SS18: variants seen among roughly 807,000 people sequenced by gnomAD.
SS18 encodes the protein SS18 subunit of BAF chromatin remodeling complex.
In SS18, 28 loss-of-function variants were observed where a neutral mutation model predicts 72.5. That is an observed-to-expected ratio of 0.39 (90% CI 0.29 to 0.53). The LOEUF (loss-of-function observed/expected upper bound fraction) is 0.53. SS18 is among the 20% of genes least tolerant of loss of function. SS18 has a pLI of 0.76. For synonymous variants in SS18, 172 were observed against 164.2 expected (o/e 1.05, Z -0.37); for missense variants, 518 against 535.3 (o/e 0.97, Z 0.32).
chr18:26,029,919 T>TC (rs1217392947), intron 10 of SS18, among the ~76,000 whole-genome samples: 8 of 151,932 alleles, frequency 5.3e-5, no homozygotes, highest in Admixed American at 1.3e-4. Context: ...GCTAAAATGG[T>TC]CCCCCCCTCA....
Position 26,057,635 on chromosome 18 carries a change from A to T in SS18, c.339T>A (p.Gly113=), listed in dbSNP as rs1289036199. 6.2e-7 allele frequency: 1 copy of T among 1,613,792 alleles called. No homozygotes were observed. Among genetic ancestry groups the T allele is most frequent in the African/African-American group, 1.3e-5 (1 of 74,828 alleles). Residue 113 remains glycine, a synonymous_variant, in exon 4 of 11, where the codon GGT becomes GGA. Transcript: ENST00000415083. The part of the protein sequence containing the change: ...NMPSDGMVGG[G]PPAPHMQNQM... ...GGTTCTGCATGTGCGGTGCAGGAGG[A>T]CCCCCACCTACCATTCCATCTGAAG...
intron 5 of SS18, among the ~76,000 whole-genome samples, chr18:26,048,142 T>A (rs140394687): frequency 1.3e-3 from 203 of 152,360 alleles, no homozygotes; most frequent in African/African-American, 4.6e-3. Flanking sequence ...AAAGTAAGCA[T>A]TTTATATGCT....
chr18:26,087,679 A>G, intron 1 of SS18, 102 bp from the exon 2 acceptor site: 1 of 680,350 alleles, frequency 1.5e-6, no homozygotes, highest in Non-Finnish European at 2.6e-6. Flanking sequence ...TACTGCTTGT[A>G]CAAGAACTCT....
intron 1 of SS18, among the ~76,000 whole-genome samples, chr18:26,089,020 T>G (rs2054666584): frequency 1.3e-5 from 2 of 152,318 alleles, no homozygotes; most frequent in South Asian, 4.1e-4. Context: ...TTATCTCCAG[T>G]ATATTCCTCA....
At chr18:26,047,259 C>CAAAAAAAAAAAA (rs71169806) in intron 5 of SS18, among the ~76,000 whole-genome samples, 1 of 75,714 alleles carries the variant, frequency 1.3e-5, no homozygotes, top group Non-Finnish European at 2.8e-5. Context: ...AGTAATATGC[C>CAAAAAAAAAAAA]AAAAAAAAAA....
intron 5 of SS18, among the ~76,000 whole-genome samples, chr18:26,041,225 C>T (rs145414566): frequency 6.6e-6 from 1 of 152,216 alleles, no homozygotes; most frequent in African/African-American, 2.4e-5. Context: ...GAGTTCGAGA[C>T]CAGCCTGGCC....
chr18:26,031,785 G>A (rs2053546042), intron 10 of SS18, among the ~76,000 whole-genome samples: 1 of 152,194 alleles, frequency 6.6e-6, no homozygotes, highest in Admixed American at 6.5e-5. Context: ...GGAGGCAACA[G>A]AGGGCGGAAA....
rs1209676139 is a variant in SS18, at chr18:26,018,180, A to C, written c.*174T>G. The C allele has an allele frequency of 3.3e-5, 18 of 545,096 alleles. No individual in the cohort carries two copies. In the East Asian group the frequency reaches 5.2e-4, roughly 16 times the overall value. The allele number at this position is 545,096 out of a possible 1,614,324, so 33.8% of individuals were successfully genotyped here. ...ATCAAGAGTATTTTTGAGCTACTAA[A>C]GCCTTTTATAACTAAACCACAAAGG... On this transcript the variant is annotated 3_prime_UTR_variant, in exon 11 of 11. Transcript: ENST00000415083.
intron 9 of SS18, among the ~76,000 whole-genome samples, chr18:26,032,751 T>C (rs1371542156): frequency 1.3e-5 from 2 of 152,180 alleles, no homozygotes; most frequent in Non-Finnish European, 2.9e-5. Context: ...TATCGTACTA[T>C]GCCCTAGCCA....
At chr18:26,021,806 G>T (rs1314127028) in intron 10 of SS18, among the ~76,000 whole-genome samples, 2 of 152,174 alleles carry the variant, frequency 1.3e-5, no homozygotes, top group African/African-American at 4.8e-5. Flanking sequence ...CTTTGATAAA[G>T]AACACAGAAA....
chr18:26,073,322 T>C (rs943155644), intron 3 of SS18, among the ~76,000 whole-genome samples: 15 of 152,186 alleles, frequency 9.9e-5, no homozygotes, highest in Admixed American at 9.2e-4. Flanking sequence ...GGAAAACTTA[T>C]GTCCATTTTA....
rs192302156 is a variant in SS18 at position 26,060,826 on chromosome 18, C to T, written c.232-3084G>A. 5.9e-5 allele frequency among the ~76,000 whole-genome samples: 8 copies of T among 135,324 alleles called. No individual in the cohort carries two copies. The East Asian group carries it at 6.5e-4, about 11-fold the overall frequency. The allele number at this position is 135,324 out of a possible 152,430, so 88.8% of individuals were successfully genotyped here. On this transcript the variant is annotated intron_variant, in intron 3 of 10. Coordinates refer to ENST00000415083, the MANE Select transcript of SS18 (RefSeq NM_001007559.3). ...AAAAAATCAGCCAGGCGCAGTGGCA[C>T]GTGCCTGTAGTCCCTGATACTTGGG... is the stretch of plus-strand genomic sequence containing the variant.
intron 3 of SS18, among the ~76,000 whole-genome samples, chr18:26,065,087 T>C (rs1177886929): frequency 6.6e-6 from 1 of 152,082 alleles, no homozygotes; most frequent in African/African-American, 2.4e-5. Context: ...GTTCACAAAA[T>C]GGAAGGATAT....
chr18:26,019,459 C>T (rs939638004), intron 10 of SS18, among the ~76,000 whole-genome samples: 1 of 152,000 alleles, frequency 6.6e-6, no homozygotes, highest in African/African-American at 2.4e-5. Flanking sequence ...AGTAAATACA[C>T]ATGATAATGT....
At chr18:26,085,920 T>C (rs1302220289) in intron 2 of SS18, 1 of 152,066 alleles carries the variant, frequency 6.6e-6, no homozygotes, top group Non-Finnish European at 1.5e-5. Flanking sequence ...TGCCTGAGGA[T>C]ACACCAGTGA....
intron 3 of SS18, among the ~76,000 whole-genome samples, chr18:26,071,810 G>C (rs1311555637): frequency 6.6e-6 from 1 of 151,894 alleles, no homozygotes; most frequent in Non-Finnish European, 1.5e-5. Flanking sequence ...CCTGGGTGAC[G>C]GAGTGAAACA....
intron 3 of SS18, among the ~76,000 whole-genome samples, chr18:26,061,830 T>C (rs373367021): frequency 9.2e-5 from 14 of 152,264 alleles, no homozygotes; most frequent in African/African-American, 3.4e-4. Context: ...CATGGAAGCA[T>C]AGAACTAGAG....
intron 10 of SS18, among the ~76,000 whole-genome samples, chr18:26,024,626 G>T (rs1307405003): frequency 6.6e-6 from 1 of 152,060 alleles, no homozygotes; most frequent in African/African-American, 2.4e-5. Flanking sequence ...CTACCTTTTT[G>T]AATATGCTTA....
chr18:26,055,282 C>A (rs1018665775), intron 4 of SS18, among the ~76,000 whole-genome samples: 19 of 151,944 alleles, frequency 1.3e-4, no homozygotes, highest in Middle Eastern at 3.2e-3. Context: ...GCCTGGCCAA[C>A]ATGGTGAAAC....
Sources: gnomAD v4.1 joint callset for allele counts (sites outside exome capture counted in the v4.1 genomes callset) on GRCh38, gnomAD v4.1.1 for gene constraint, MANE v1.5 for transcripts, NCBI Gene and HGNC (gene_info 2026-07-23, HGNC 2026-07-21) for gene names.